The following CTNNA1 variants were observed in gnomAD, a reference collection of about 807,000 sequenced individuals.
The protein encoded by CTNNA1 is catenin alpha 1.
Under a neutral mutation model 98.4 loss-of-function variants are expected in CTNNA1, and 37 were observed. The ratio of observed to expected loss-of-function variants is 0.38; its 90% CI spans 0.29 to 0.49. The LOEUF (loss-of-function observed/expected upper bound fraction) is 0.49, where lower values mean the gene tolerates loss of function less well. CTNNA1 is among the 20% of genes least tolerant of loss of function. The pLI is 0.95. For synonymous variants in CTNNA1, 404 were observed against 413.2 expected, an observed-to-expected ratio of 0.98 and a Z score of 0.27; for missense variants, 761 against 1,147.2, an observed-to-expected ratio of 0.66 and a Z score of 4.86.
At chr5:138,845,184 C>T (rs1324785772) in intron 7 of CTNNA1, among the ~76,000 whole-genome samples, 1 of 152,172 alleles carries the variant, frequency 6.6e-6, no homozygotes, top group Non-Finnish European at 1.5e-5. Context: ...GCCTTTGATA[C>T]ATTTTCTTAG....
chr5:138,895,152 G>A (rs1437481629), intron 9 of CTNNA1, among the ~76,000 whole-genome samples: 2 of 152,086 alleles, frequency 1.3e-5, no homozygotes, highest in African/African-American at 4.8e-5. Context: ...CTAGATGAGG[G>A]AACCTATTGG....
chr5:138,934,065 G>C lies in CTNNA1; in HGVS notation c.2697G>C (p.Glu899Asp), dbSNP rs774921598. 2 of 1,613,036 alleles carry C rather than the reference G, an allele frequency of 1.2e-6. No individual in the cohort carries two copies. Among genetic ancestry groups the C allele is most frequent in the Non-Finnish European group, 1.7e-6 (2 of 1,179,990 alleles). Residue 899 changes from glutamate to aspartate, a missense_variant, in exon 18 of 18, where the codon GAG (glutamate) becomes GAC (aspartate). By Grantham distance (45) the Glu-to-Asp change is conservative. Coordinates refer to ENST00000302763, the MANE Select transcript of CTNNA1 (RefSeq NM_001903.5). ...KHVNPVQALSEFKAMDSI is the reference protein window; with the variant it reads ...KHVNPVQALSDFKAMDSI ...TGAACCCGGTGCAGGCCCTCAGCGAGTTCAAAGCTATGGACAGCATCTAAG... is the reference window on the plus strand; with the variant it reads ...TGAACCCGGTGCAGGCCCTCAGCGACTTCAAAGCTATGGACAGCATCTAAG...
At chr5:138,922,958 T>A (rs1284732935) in intron 11 of CTNNA1, among the ~76,000 whole-genome samples, 1 of 150,958 alleles carries the variant, frequency 6.6e-6, no homozygotes, top group African/African-American at 2.4e-5. Context: ...TAGAAGTATC[T>A]AGACAAAGGT....
At chr5:138,925,174 G>T in intron 12 of CTNNA1, 82 bp from the exon 13 acceptor site, 2 of 1,491,390 alleles carry the variant, frequency 1.3e-6, no homozygotes, top group South Asian at 2.5e-5. Context: ...ACCTCTTTCT[G>T]TCTAGCTGAG....
At chr5:138,806,886 T>C (rs1166503195) in intron 3 of CTNNA1, among the ~76,000 whole-genome samples, 2 of 152,104 alleles carry the variant, frequency 1.3e-5, no homozygotes, top group Non-Finnish European at 2.9e-5. Flanking sequence ...GGCAGGGATT[T>C]AGTTAGTTAA....
At chr5:138,755,481 G>A (rs533339618) in intron 1 of CTNNA1, among the ~76,000 whole-genome samples, 10 of 151,976 alleles carry the variant, frequency 6.6e-5, no homozygotes, top group Admixed American at 1.3e-4. Flanking sequence ...CTTTCCTCTC[G>A]TACCCAGGGT....
At chr5:138,756,351 G>T (rs1751647227) in intron 1 of CTNNA1, among the ~76,000 whole-genome samples, 1 of 151,996 alleles carries the variant, frequency 6.6e-6, no homozygotes, top group South Asian at 2.1e-4. Flanking sequence ...ATTTTTAGCA[G>T]AGATGGGGTT....
chr5:138,792,563 T>G (rs1756495215), intron 3 of CTNNA1, among the ~76,000 whole-genome samples: 2 of 152,224 alleles, frequency 1.3e-5, no homozygotes, highest in Admixed American at 1.3e-4. Flanking sequence ...GTTCATGATG[T>G]GAAGACTTAA....
intron 4 of CTNNA1, among the ~76,000 whole-genome samples, chr5:138,811,179 A>T (rs1352534975): frequency 6.9e-6 from 1 of 143,996 alleles, no homozygotes; most frequent in Non-Finnish European, 1.5e-5. Context: ...TGCCAGGCGG[A>T]GGGTCTCCTC....
At chr5:138,855,333 A>G (rs1356106662) in intron 7 of CTNNA1, among the ~76,000 whole-genome samples, 1 of 152,262 alleles carries the variant, frequency 6.6e-6, no homozygotes, top group Non-Finnish European at 1.5e-5. Flanking sequence ...CACCGCGCCC[A>G]GCCTCAACTG....
chr5:138,824,914 TTAATC>T lies in CTNNA1; in HGVS notation c.858+119_858+123del, dbSNP rs1581168623. 3.3e-6 allele frequency: 3 copies of T among 920,816 alleles called. No individual in the cohort carries two copies. In the African/African-American group the frequency reaches 5.0e-5, roughly 15 times the overall value. 57.0% of individuals were successfully genotyped at this position (920,816 alleles called of 1,614,324 possible). ...GATAGCTCAATTTCCACTTAGATCT[TTAATC>T]TAAGTCAAAAGAAATTATGAATCAT... On this transcript the variant is annotated intron_variant, in intron 6 of 17. Coordinates refer to ENST00000302763, the MANE Select transcript of CTNNA1 (RefSeq NM_001903.5).
intron 7 of CTNNA1, among the ~76,000 whole-genome samples, chr5:138,884,368 T>A (rs1250324749): frequency 6.6e-6 from 1 of 152,170 alleles, no homozygotes; most frequent in Non-Finnish European, 1.5e-5. Context: ...CTTCAGATAT[T>A]AGATGGCAAA....
At chr5:138,886,377 A>G (rs1754031286) in intron 8 of CTNNA1, 85 bp downstream of exon 8, 1 of 1,352,968 alleles carries the variant, frequency 7.4e-7, no homozygotes, top group Non-Finnish European at 1.0e-6. Context: ...CTGGCCTTAT[A>G]TTTTTTTATT....
At chr5:138,910,225 T>C (rs900822519) in intron 10 of CTNNA1, among the ~76,000 whole-genome samples, 1 of 94,384 alleles carries the variant, frequency 1.1e-5, no homozygotes, top group Non-Finnish European at 2.2e-5. Context: ...TTCCTACTTT[T>C]CTTTTTTTTT....
intron 1 of CTNNA1, among the ~76,000 whole-genome samples, chr5:138,781,236 G>A (rs28363382): frequency 1.8e-4 from 28 of 152,272 alleles, no homozygotes; most frequent in African/African-American, 6.3e-4. Flanking sequence ...TTCTGTATTC[G>A]TTTTTGAAGC....
chr5:138,859,579 T>C (rs1764072235), intron 7 of CTNNA1, among the ~76,000 whole-genome samples: 1 of 152,240 alleles, frequency 6.6e-6, no homozygotes, highest in Non-Finnish European at 1.5e-5. Context: ...TGTGTTCCAC[T>C]TAATAGTCTT....
At position 138,874,965 on chromosome 5, in the gene CTNNA1, G is replaced by T; in HGVS notation, c.1063-11247G>T. 6.3e-7 allele frequency: 1 copy of T among 1,596,822 alleles called. No homozygotes were observed. The highest frequency in any genetic ancestry group is 1.1e-5 in the South Asian group (1 of 90,646). Reference sequence around the variant, plus strand: ...AGTCGCGGTTGTTAGACTCAACGCAGTGAGTCTGTAAAAGGCTCTAACATG... The same window carrying T: ...AGTCGCGGTTGTTAGACTCAACGCATTGAGTCTGTAAAAGGCTCTAACATG... On this transcript the variant is annotated intron_variant, in intron 7 of 17. Coordinates refer to ENST00000302763, the MANE Select transcript of CTNNA1 (RefSeq NM_001903.5). The surrounding 1 kb of genome is among the most constrained non-coding windows in gnomAD (Gnocchi z 4.1).
At chr5:138,884,218 A>T (rs1753545471) in intron 7 of CTNNA1, among the ~76,000 whole-genome samples, 1 of 152,198 alleles carries the variant, frequency 6.6e-6, no homozygotes. Context: ...GGATTCAAAG[A>T]TTTCCTGATG....
At chr5:138,905,702 G>A (rs776475865) in intron 10 of CTNNA1, among the ~76,000 whole-genome samples, 1 of 152,236 alleles carries the variant, frequency 6.6e-6, no homozygotes, top group Non-Finnish European at 1.5e-5. Flanking sequence ...TGCTTTTTAA[G>A]TGCCCAGTGT....
Sources: allele counts gnomAD v4.1 joint callset (sites outside exome capture counted in the v4.1 genomes callset), GRCh38; gene constraint gnomAD v4.1.1; non-coding constraint Gnocchi (gnomAD v3.1); transcripts MANE v1.5; gene names NCBI Gene and HGNC (gene_info 2026-07-23, HGNC 2026-07-21).